PRKCQ: variants seen among roughly 807,000 people sequenced by gnomAD.
The protein encoded by PRKCQ is protein kinase C theta.
In PRKCQ, 41 loss-of-function variants were observed where a neutral mutation model predicts 91.2. The observed-to-expected ratio is 0.45, with a 90% CI of 0.35 to 0.58. The LOEUF is 0.58. Ranked by LOEUF, PRKCQ falls within the 20% of genes least tolerant of loss-of-function variation. The probability of loss-of-function intolerance (pLI) is 0.00; values close to 1 mark genes in which losing one functional copy is unlikely to be tolerated. For missense variants in PRKCQ, 673 were observed against 896.5 expected, an observed-to-expected ratio of 0.75 and a Z score of 3.18; for synonymous variants, 307 against 316.9, an observed-to-expected ratio of 0.97 and a Z score of 0.33.
Position 6,465,638 on chromosome 10 carries a change from T to C in PRKCQ, c.1354-1234A>G, listed in dbSNP as rs968312057. Among the ~76,000 whole-genome samples, 6 of 152,234 alleles carry C rather than the reference T, an allele frequency of 3.9e-5. No individual in the cohort carries two copies. On this transcript the variant is annotated intron_variant, in intron 12 of 17. Transcript: ENST00000263125. This position sits in a 1 kb window ranked among gnomAD's most constrained non-coding sequence, Gnocchi z 4.4. ...GGTGGTTTCTTAACAGAATTAACCT[T>C]TACGTTTTGATGTGAACCCAACCGA...
chr10:6,570,758 T>C (rs1841013914), intron 1 of PRKCQ, among the ~76,000 whole-genome samples: 1 of 152,060 alleles, frequency 6.6e-6, no homozygotes, highest in East Asian at 1.9e-4. Flanking sequence ...TTTCACCGTG[T>C]TGGCCAGGAT....
At chr10:6,438,574 A>T (rs1243042412) in intron 16 of PRKCQ, among the ~76,000 whole-genome samples, 2 of 152,068 alleles carry the variant, frequency 1.3e-5, no homozygotes. Flanking sequence ...TTCTTGGTCC[A>T]CTTCCTTTAG....
At chr10:6,534,776 A>ATATC (rs1460511203) in intron 1 of PRKCQ, among the ~76,000 whole-genome samples, 1 of 26,136 alleles carries the variant, frequency 3.8e-5, no homozygotes, top group African/African-American at 6.1e-5. Context: ...ACATATATCT[A>ATATC]TATATATATA....
In PRKCQ at chr10:6,465,191, C is replaced by T. The variant is rs553593134; in HGVS notation, c.1354-787G>A. Among the ~76,000 whole-genome samples the T allele has an allele frequency of 2.0e-5, 3 of 152,188 alleles. No individual in the cohort carries two copies. Among genetic ancestry groups the T allele is most frequent in the Admixed American group, 6.5e-5 (1 of 15,286 alleles). On this transcript the variant is annotated intron_variant, in intron 12 of 17. Coordinates refer to ENST00000263125, the MANE Select transcript of PRKCQ (RefSeq NM_006257.5). This position sits in a 1 kb window ranked among gnomAD's most constrained non-coding sequence, Gnocchi z 4.4. ...TTAGCTACTGAGCATATTCTGTGGG[C>T]GTGGCGTGGGGGGAGTGGGCGGGTC... is the stretch of plus-strand genomic sequence containing the variant.
In PRKCQ at chr10:6,511,012, C is replaced by T. The variant is rs1269685233; in HGVS notation, c.301G>A (p.Gly101Arg). The T allele has an allele frequency of 1.2e-5, 20 of 1,613,916 alleles. No individual in the cohort carries two copies. The highest frequency in any genetic ancestry group is 2.2e-5 in the East Asian group (1 of 44,886). Reference sequence around the variant, plus strand: ...AACGTTACCCATATTTCTGTCTTCCCGTTGTTCTTCCTGCACCTCTCAGCC... The same window carrying T: ...AACGTTACCCATATTTCTGTCTTCCTGTTGTTCTTCCTGCACCTCTCAGCC... ...SLAERCRKNN[G>R]KTEIWLELKP... Residue 101 changes from glycine (G) to arginine (R), a missense_variant, in exon 3 of 18, where the codon GGG becomes AGG. Physicochemically the swap from Gly to Arg is moderately radical, Grantham distance 125. Coordinates refer to ENST00000263125, the MANE Select transcript of PRKCQ (RefSeq NM_006257.5).
At chr10:6,514,967 T>G in intron 2 of PRKCQ, 51 bp downstream of exon 2, 1 of 1,610,852 alleles carries the variant, frequency 6.2e-7, no homozygotes, top group Admixed American at 1.7e-5. Context: ...ACACAGTTCA[T>G]AGCAGGATTC....
At chr10:6,429,560 G>A (rs973607044) in intron 17 of PRKCQ, among the ~76,000 whole-genome samples, 6 of 152,132 alleles carry the variant, frequency 3.9e-5, no homozygotes, top group African/African-American at 1.4e-4. Flanking sequence ...GGAAGTCCAT[G>A]AGCCTGGCCC....
At chr10:6,502,421 T>A (rs981700257) in intron 4 of PRKCQ, among the ~76,000 whole-genome samples, 1 of 152,170 alleles carries the variant, frequency 6.6e-6, no homozygotes, top group African/African-American at 2.4e-5. Flanking sequence ...AGAGCTAAGG[T>A]TCCTCAGGGT....
At chr10:6,524,399 G>A (rs757830733) in intron 1 of PRKCQ, among the ~76,000 whole-genome samples, 1 of 152,102 alleles carries the variant, frequency 6.6e-6, no homozygotes, top group African/African-American at 2.4e-5. Flanking sequence ...CAAAGTGCTT[G>A]GAGGGCCTGA....
intron 1 of PRKCQ, among the ~76,000 whole-genome samples, chr10:6,556,390 C>A (rs538840477): frequency 7.0e-4 from 102 of 146,348 alleles, no homozygotes; most frequent in Non-Finnish European, 1.3e-3. Flanking sequence ...TGTAATTGCA[C>A]CACTGCACTC....
chr10:6,458,432 G>A (rs1199948512), intron 14 of PRKCQ, among the ~76,000 whole-genome samples: 4 of 152,134 alleles, frequency 2.6e-5, no homozygotes, highest in Non-Finnish European at 5.9e-5. Flanking sequence ...TCAGGACCCA[G>A]GGGAGAACTT....
chr10:6,402,220 G>A, the PRKCQ span, among the ~76,000 whole-genome samples: 2 of 152,004 alleles, frequency 1.3e-5, no homozygotes, highest in Non-Finnish European at 2.9e-5. Context: ...CTAGGGGAGG[G>A]ATAGCATTAG....
At chr10:6,495,428 C>G (rs1054610321) in intron 7 of PRKCQ, among the ~76,000 whole-genome samples, 8 of 152,160 alleles carry the variant, frequency 5.3e-5, no homozygotes, top group Non-Finnish European at 8.8e-5. Flanking sequence ...AAGGAGCTTC[C>G]TTCCTCCTGC....
intron 12 of PRKCQ, among the ~76,000 whole-genome samples, chr10:6,469,858 G>C (rs1835867337): frequency 6.6e-6 from 1 of 152,026 alleles, no homozygotes; most frequent in Non-Finnish European, 1.5e-5. Context: ...AATGAAAAAT[G>C]AGTTCTCAAG....
Position 6,519,063 on chromosome 10 carries a change from G to A in PRKCQ, c.-9-3919C>T, listed in dbSNP as rs1015757652. 3.0e-4 allele frequency among the ~76,000 whole-genome samples: 46 copies of A among 152,264 alleles called. 1 individual carries two copies. The highest frequency in any genetic ancestry group is 7.5e-4 in the African/African-American group (31 of 41,538). On this transcript the variant is annotated intron_variant, in intron 1 of 17. Coordinates refer to ENST00000263125, the MANE Select transcript of PRKCQ (RefSeq NM_006257.5). Reference sequence around the variant, plus strand: ...TATATGTGTGGATGTAAAAATATGCGTATCTATCCATCTATATTAAGAGCC... The same window carrying A: ...TATATGTGTGGATGTAAAAATATGCATATCTATCCATCTATATTAAGAGCC...
chr10:6,493,688 A>C (rs538010309), intron 7 of PRKCQ, among the ~76,000 whole-genome samples: 24 of 152,336 alleles, frequency 1.6e-4, no homozygotes, highest in Admixed American at 8.5e-4. Context: ...CAAGTAAAGG[A>C]AGAAGTCTGG....
chr10:6,453,661 G>A (rs1372907015), intron 15 of PRKCQ, among the ~76,000 whole-genome samples: 1 of 152,120 alleles, frequency 6.6e-6, no homozygotes, highest in African/African-American at 2.4e-5. Flanking sequence ...CAAAGACTTG[G>A]AACCAACCCA....
At chr10:6,422,901 G>A (rs767162264), downstream of PRKCQ, among the ~76,000 whole-genome samples, 1 of 152,168 alleles carries the variant, frequency 6.6e-6, no homozygotes, top group Non-Finnish European at 1.5e-5. Flanking sequence ...ATGACCCCCT[G>A]GTGGGAGTTG....
intron 12 of PRKCQ, among the ~76,000 whole-genome samples, chr10:6,468,504 A>G (rs920585820): frequency 6.6e-6 from 1 of 152,232 alleles, no homozygotes; most frequent in African/African-American, 2.4e-5. Flanking sequence ...TTTTTATCAG[A>G]CTAATAACAG....
Sources: allele counts gnomAD v4.1 joint callset (sites outside exome capture counted in the v4.1 genomes callset), GRCh38; gene constraint gnomAD v4.1.1; non-coding constraint Gnocchi (gnomAD v3.1); transcripts MANE v1.5; gene names NCBI Gene and HGNC (gene_info 2026-07-23, HGNC 2026-07-21).